Variants in SMAD7 observed in about 807,000 individuals in gnomAD.
The protein encoded by SMAD7 is SMAD family member 7.
SMAD7 carries 8 observed loss-of-function variants against 38.7 expected under a neutral mutation model. The ratio of observed to expected loss-of-function variants is 0.21; its 90% CI spans 0.12 to 0.37. The LOEUF (loss-of-function observed/expected upper bound fraction) is 0.37, where lower values mean the gene tolerates loss of function less well. Ranked by LOEUF, SMAD7 falls within the 10% of genes least tolerant of loss-of-function variation. The pLI is 1.00. For synonymous variants in SMAD7, 327 were observed against 265.1 expected (o/e 1.23, Z -2.27); for missense variants, 477 against 577.9 (o/e 0.83, Z 1.79).
chr18:48,948,817 C>G (rs528690243), intron 1 of SMAD7, among the ~76,000 whole-genome samples: 44 of 152,266 alleles, frequency 2.9e-4, no homozygotes, highest in Non-Finnish European at 5.1e-4. Context: ...GCCCGCCCCC[C>G]AGGCGTGCAA....
rs755317709 is a variant in SMAD7 at position 48,921,366 on chromosome 18, A to T, written c.*6T>A. ...TCAGCTCACGCTCTGTCCCCTCCGC[A>T]CGCGGCTACCGGCTGTTGAAGATGA... On this transcript the variant is annotated 3_prime_UTR_variant, in exon 4 of 4. Transcript: ENST00000262158. This position sits in a 1 kb window ranked among gnomAD's most constrained non-coding sequence, Gnocchi z 6.4. 6.2e-7 allele frequency: 1 copy of T among 1,606,662 alleles called. No homozygotes were observed. Among genetic ancestry groups the T allele is most frequent in the Non-Finnish European group, 8.5e-7 (1 of 1,174,276 alleles).
At chr18:48,949,720 G>C in intron 1 of SMAD7, 92 bp downstream of exon 1, 28 of 1,390,380 alleles carry the variant, frequency 2.0e-5, no homozygotes, top group Non-Finnish European at 2.7e-5. Flanking sequence ...ACTCCCCCTG[G>C]AGGGATGGCT....
chr18:48,931,765 C>T (rs1048616131), intron 3 of SMAD7, among the ~76,000 whole-genome samples: 4 of 152,270 alleles, frequency 2.6e-5, no homozygotes, highest in African/African-American at 2.4e-5. Flanking sequence ...TCCTGCAAGG[C>T]CATGTGGCCA....
chr18:48,935,722 G>A (rs7241795), intron 3 of SMAD7, among the ~76,000 whole-genome samples: 2,874 of 152,234 alleles, frequency 0.019, 84 homozygotes, highest in African/African-American at 0.065. Context: ...CTCATTTCTG[G>A]AACCCACGAA....
At chr18:48,927,546 A>G (rs2069943555) in intron 3 of SMAD7, among the ~76,000 whole-genome samples, 1 of 152,164 alleles carries the variant, frequency 6.6e-6, no homozygotes, top group African/African-American at 2.4e-5. Flanking sequence ...TTTCACACCA[A>G]CCTCGCATGC....
chr18:48,930,714 TGTGCCG>T (rs1240530676), intron 3 of SMAD7, among the ~76,000 whole-genome samples: 1 of 114,858 alleles, frequency 8.7e-6, no homozygotes, highest in Non-Finnish European at 2.1e-5. Context: ...GCGATCGGTG[TGTGCCG>T]ACACATGAGG....
chr18:48,949,291 G>A (rs893700096), intron 1 of SMAD7: 3 of 985,028 alleles, frequency 3.0e-6, no homozygotes, highest in Non-Finnish European at 3.6e-6. Context: ...GGCCACGACA[G>A]TATCTGGGCC....
At chr18:48,922,448 G>A (rs1194312975) in intron 3 of SMAD7, among the ~76,000 whole-genome samples, 1 of 152,106 alleles carries the variant, frequency 6.6e-6, no homozygotes, top group Non-Finnish European at 1.5e-5. Flanking sequence ...GACCACCTAT[G>A]CGATGGTCTC....
chr18:48,929,549 T>TC (rs1491566873), intron 3 of SMAD7, among the ~76,000 whole-genome samples: 14 of 105,104 alleles, frequency 1.3e-4, no homozygotes, highest in African/African-American at 4.5e-4. Flanking sequence ...TCTTTCTCTC[T>TC]TTCTCTCTCT....
At chr18:48,934,348 C>G (rs1327392991) in intron 3 of SMAD7, among the ~76,000 whole-genome samples, 1 of 152,026 alleles carries the variant, frequency 6.6e-6, no homozygotes, top group East Asian at 1.9e-4. Context: ...GAAGGCAGCC[C>G]TGAGTTCCCG....
intron 3 of SMAD7, among the ~76,000 whole-genome samples, chr18:48,925,746 G>C (rs1426950647): frequency 7.8e-6 from 1 of 128,418 alleles, no homozygotes. Context: ...CTTCTTAAAT[G>C]TTTTTCTTTT....
chr18:48,927,874 C>T (rs2069948187), intron 3 of SMAD7, among the ~76,000 whole-genome samples: 1 of 152,194 alleles, frequency 6.6e-6, no homozygotes, highest in Non-Finnish European at 1.5e-5. Flanking sequence ...TGCATACTAT[C>T]ACCAGCCTAT....
chr18:48,946,023 G>A (rs1229412342), intron 2 of SMAD7, among the ~76,000 whole-genome samples: 1 of 152,214 alleles, frequency 6.6e-6, no homozygotes, highest in Non-Finnish European at 1.5e-5. Context: ...AGGCCTCCCA[G>A]ATGCTGAGTG....
intron 3 of SMAD7, chr18:48,930,022 T>C (rs771683299): frequency 2.6e-5 from 4 of 152,122 alleles, no homozygotes; most frequent in Non-Finnish European, 4.4e-5. Flanking sequence ...TTTACTGCAT[T>C]CCGGCCAATA....
chr18:48,927,594 T>C (rs2069944301), intron 3 of SMAD7, among the ~76,000 whole-genome samples: 1 of 152,076 alleles, frequency 6.6e-6, no homozygotes, highest in Admixed American at 6.5e-5. Flanking sequence ...TAAAACAGGG[T>C]TCCCCCAAGG....
intron 3 of SMAD7, among the ~76,000 whole-genome samples, chr18:48,932,143 T>C (rs1021218110): frequency 6.6e-6 from 1 of 152,226 alleles, no homozygotes; most frequent in Non-Finnish European, 1.5e-5. Context: ...GCTCAGAGGC[T>C]GCAGTGAGGC....
chr18:48,935,100 C>A (rs2070048695), intron 3 of SMAD7, among the ~76,000 whole-genome samples: 1 of 152,106 alleles, frequency 6.6e-6, no homozygotes, highest in Non-Finnish European at 1.5e-5. Flanking sequence ...GATACTGAAT[C>A]CACGGGGCAC....
chr18:48,949,776 C>G, intron 1 of SMAD7, 36 bp downstream of exon 1: 1 of 1,543,248 alleles, frequency 6.5e-7, no homozygotes, highest in Non-Finnish European at 8.7e-7. Context: ...CACTGGCGCT[C>G]CGGAAAATGT....
chr18:48,943,226 C>A (rs2070162184), intron 2 of SMAD7, among the ~76,000 whole-genome samples: 1 of 152,212 alleles, frequency 6.6e-6, no homozygotes, highest in Non-Finnish European at 1.5e-5. Flanking sequence ...CCAAACCCCT[C>A]ATCTCTGGAA....
Sources: gnomAD v4.1 joint callset for allele counts (sites outside exome capture counted in the v4.1 genomes callset) on GRCh38, gnomAD v4.1.1 for gene constraint, Gnocchi (gnomAD v3.1) non-coding constraint, MANE v1.5 for transcripts, NCBI Gene and HGNC (gene_info 2026-07-23, HGNC 2026-07-21) for gene names.